The following USP49 variants were observed in gnomAD, a reference collection of about 807,000 sequenced individuals.
USP49 encodes ubiquitin carboxyl-terminal hydrolase 49.
Under a neutral mutation model 58.6 loss-of-function variants are expected in USP49, and 24 were observed. That is an observed-to-expected ratio of 0.41 (90% CI 0.30 to 0.58). The LOEUF is 0.58. Ranked by LOEUF, USP49 falls within the 20% of genes least tolerant of loss-of-function variation. The probability of loss-of-function intolerance (pLI) is 0.30; values close to 1 mark genes in which losing one functional copy is unlikely to be tolerated. For synonymous variants in USP49, 408 were observed against 365.1 expected (o/e 1.12, Z -1.34); for missense variants, 703 against 866.1 (o/e 0.81, Z 2.36).
rs933864216 is a variant in USP49 at position 41,806,367 on chromosome 6, C to G, written c.617G>C (p.Arg206Pro). The stretch of plus-strand genomic sequence containing the variant: ...GTGCAGGAGCAGCCGTGCACTCTTG[C>G]GCGGAGGGGTGCTGGCCAGCTCCTC... ...LLEELASTPP[R>P]KSARLLLHTP... The change falls in exon 4 of 8, where the codon CGC (arginine) becomes CCC (proline). Residue 206 changes from arginine (R) to proline (P), a missense_variant. Transcript: ENST00000682992. The surrounding 1 kb of genome is among the most constrained non-coding windows in gnomAD (Gnocchi z 5.9). 2 of 1,535,972 alleles carry G rather than the reference C, an allele frequency of 1.3e-6. No individual in the cohort carries two copies. Among genetic ancestry groups the G allele is most frequent in the Non-Finnish European group, 1.7e-6 (2 of 1,152,144 alleles).
Position 41,803,717 on chromosome 6 carries a change from A to T in USP49, c.1561+89T>A. On this transcript the variant is annotated intron_variant, in intron 5 of 7. Transcript: ENST00000682992. This position sits in a 1 kb window ranked among gnomAD's most constrained non-coding sequence, Gnocchi z 4.1. Reference sequence around the variant, plus strand: ...AGAACCATTCAATATCATTAGTGTTACTTTTGACTAAAGAGGACAAAGCAG... The same window carrying T: ...AGAACCATTCAATATCATTAGTGTTTCTTTTGACTAAAGAGGACAAAGCAG... 7.3e-7 allele frequency: 1 copy of T among 1,362,414 alleles called. No individual in the cohort carries two copies. Among genetic ancestry groups the T allele is most frequent in the Non-Finnish European group, 1.0e-6 (1 of 968,194 alleles). 84.4% of individuals were successfully genotyped at this position (1,362,414 alleles called of 1,614,324 possible).
In USP49 at chr6:41,888,100, G is replaced by C. The variant is rs145919000; in HGVS notation, c.-103+3694C>G. Among the ~76,000 whole-genome samples, 18 of 135,830 alleles carry C rather than the reference G, an allele frequency of 1.3e-4. 1 individual carries two copies. In the East Asian group the frequency reaches 2.6e-3, roughly 19 times the overall value. The allele number at this position is 135,830 out of a possible 152,430, so 89.1% of individuals were successfully genotyped here. On this transcript the variant is annotated intron_variant, in intron 2 of 7. Transcript: ENST00000682992. ...GATGCAGTGTCACTCTGTCATCCAG[G>C]CTGGAATGGAGTGGCACAATCTCAG...
chr6:41,842,520 G>A (rs1208615155), intron 3 of USP49, among the ~76,000 whole-genome samples: 1 of 152,192 alleles, frequency 6.6e-6, no homozygotes, highest in Non-Finnish European at 1.5e-5. Flanking sequence ...TGGCACAAAA[G>A]ATGGGCAAAT....
intron 3 of USP49, among the ~76,000 whole-genome samples, chr6:41,848,643 G>A (rs1561916855): frequency 6.6e-6 from 1 of 151,950 alleles, no homozygotes; most frequent in Non-Finnish European, 1.5e-5. Flanking sequence ...CGGATCATAA[G>A]GTCAGGAGAT....
chr6:41,794,899 C>T lies in USP49; in HGVS notation c.*1634G>A, dbSNP rs1772861359. The stretch of plus-strand genomic sequence containing the variant: ...TTTTTTGTCTGAATTTCCTCCATGT[C>T]TCAGTGCTGCCTGGCAGGGCCTATG... On this transcript the variant is annotated 3_prime_UTR_variant, in exon 8 of 8. Transcript: ENST00000682992. The T allele has an allele frequency of 6.6e-6, 1 of 152,232 alleles. No individual in the cohort carries two copies. Among genetic ancestry groups the T allele is most frequent in the South Asian group, 2.1e-4 (1 of 4,834 alleles). The allele number at this position is 152,232 out of a possible 1,614,324, so 9.4% of individuals were successfully genotyped here. A position where few individuals can be genotyped will look rare whatever the true frequency, so the allele number is the denominator to read the frequency against.
chr6:41,885,137 A>G (rs1774686690), intron 2 of USP49, among the ~76,000 whole-genome samples: 2 of 152,312 alleles, frequency 1.3e-5, no homozygotes, highest in South Asian at 4.1e-4. Context: ...GCTCAGGAAC[A>G]CTTCTCACCA....
At chr6:41,888,070 T>C (rs1286035012) in intron 2 of USP49, among the ~76,000 whole-genome samples, 4 of 148,064 alleles carry the variant, frequency 2.7e-5, no homozygotes, top group Non-Finnish European at 6.0e-5. Flanking sequence ...TTTTTTTTTT[T>C]TTGAGATGCA....
chr6:41,796,633 T>G lies in USP49; in HGVS notation c.1967A>C (p.Gln656Pro). The G allele has an allele frequency of 1.4e-6, 1 of 717,468 alleles. No individual in the cohort carries two copies. The highest frequency in any genetic ancestry group is 2.6e-6 in the Non-Finnish European group (1 of 385,090). The allele number at this position is 717,468 out of a possible 1,614,324, so 44.4% of individuals were successfully genotyped here. The change falls in exon 8 of 8, where the codon CAA (glutamine) becomes CCA (proline). Residue 656 changes from glutamine to proline, a missense_variant. By Grantham distance (76) the Gln-to-Pro change is moderately conservative (BLOSUM62 -1). Around this residue, in one of 6 missense-constraint regions of USP49, gnomAD observed 158 missense variants for 241.2 expected, o/e 0.66. Coordinates refer to ENST00000682992, the MANE Select transcript of USP49 (RefSeq NM_001286554.2). ...TCTTGCATTGCCCTGCACTGTTCTT[T>G]GAGTGTAAAAAAGGATGTAGGCCTG... ...KTQAYILFYT[Q>P]RTVQGNARIS...
At chr6:41,817,521 G>A (rs1214069183) in intron 3 of USP49, among the ~76,000 whole-genome samples, 6 of 133,626 alleles carry the variant, frequency 4.5e-5, no homozygotes, top group Non-Finnish European at 6.2e-5. Context: ...ATGAAGTGGC[G>A]CAATCTTGGC....
intron 3 of USP49, among the ~76,000 whole-genome samples, chr6:41,849,240 A>G (rs1202458589): frequency 6.6e-6 from 1 of 152,234 alleles, no homozygotes. Flanking sequence ...AAAAGGGTAA[A>G]CCAGGAAGAT....
intron 3 of USP49, among the ~76,000 whole-genome samples, chr6:41,841,777 C>T (rs781582648): frequency 1.3e-5 from 2 of 152,158 alleles, no homozygotes; most frequent in Non-Finnish European, 2.9e-5. Flanking sequence ...CATCATTTGG[C>T]CGGGCGCAGT....
chr6:41,844,297 G>C (rs567705283), intron 3 of USP49, among the ~76,000 whole-genome samples: 1 of 152,090 alleles, frequency 6.6e-6, no homozygotes, highest in South Asian at 2.1e-4. Context: ...TTAGGCAACT[G>C]CGTATGTTGC....
intron 3 of USP49, among the ~76,000 whole-genome samples, chr6:41,816,954 C>G (rs1773362789): frequency 1.3e-5 from 2 of 151,854 alleles, no homozygotes; most frequent in South Asian, 4.2e-4. Context: ...GATCTGCCCA[C>G]CTTGCCCTCC....
Position 41,841,169 on chromosome 6 carries a change from T to C in USP49, c.-29+30395A>G, listed in dbSNP as rs145715739. Among the ~76,000 whole-genome samples, 611 of 152,216 alleles carry C rather than the reference T, an allele frequency of 4.0e-3. 4 individuals are homozygous for C. The highest frequency in any genetic ancestry group is 0.014 in the African/African-American group (591 of 41,526). ...TGTCTGTCTCCCAAACTAACCACACTCTTGCCTTCTCACCTTTGTTCATAC... is the reference window on the plus strand; with the variant it reads ...TGTCTGTCTCCCAAACTAACCACACCCTTGCCTTCTCACCTTTGTTCATAC... On this transcript the variant is annotated intron_variant, in intron 3 of 7. Transcript: ENST00000682992.
chr6:41,875,666 C>T (rs147531401), intron 2 of USP49, among the ~76,000 whole-genome samples: 1 of 152,304 alleles, frequency 6.6e-6, no homozygotes, highest in East Asian at 1.9e-4. Context: ...ATCAGCAAGG[C>T]CTTGATGGAC....
At chr6:41,888,075 G>A (rs1287073750) in intron 2 of USP49, among the ~76,000 whole-genome samples, 1 of 91,808 alleles carries the variant, frequency 1.1e-5, no homozygotes, top group African/African-American at 4.3e-5. Flanking sequence ...TTTTTTTTGA[G>A]ATGCAGTGTC....
chr6:41,799,007 A>G, intron 6 of USP49, 78 bp from the exon 7 acceptor site: 1 of 1,501,486 alleles, frequency 6.7e-7, no homozygotes, highest in Non-Finnish European at 8.9e-7. Flanking sequence ...TTAATAAAAC[A>G]GGAAACTGAG....
At position 41,796,377 on chromosome 6, in the gene USP49, A is replaced by G. The variant is rs1390808143; in HGVS notation, c.*156T>C. 1.5e-5 allele frequency: 8 copies of G among 538,432 alleles called. No homozygotes were observed. The highest frequency in any genetic ancestry group is 3.0e-5 in the Admixed American group (1 of 32,950). 33.4% of individuals were successfully genotyped at this position (538,432 alleles called of 1,614,324 possible). On this transcript the variant is annotated 3_prime_UTR_variant, in exon 8 of 8. Coordinates refer to ENST00000682992, the MANE Select transcript of USP49 (RefSeq NM_001286554.2). ...ACTCATTCAAAAGAAAGAGACTATA[A>G]AATTTACGACAGGACACGAATCACC...
chr6:41,865,415 G>C (rs1274741243), intron 3 of USP49, among the ~76,000 whole-genome samples: 1 of 152,130 alleles, frequency 6.6e-6, no homozygotes, highest in Non-Finnish European at 1.5e-5. Flanking sequence ...TCAACCAAAA[G>C]AACAGCGGGA....
Sources: allele counts gnomAD v4.1 joint callset (sites outside exome capture counted in the v4.1 genomes callset), GRCh38; gene constraint gnomAD v4.1.1; regional missense constraint gnomAD v4.1.1; non-coding constraint Gnocchi (gnomAD v3.1); transcripts MANE v1.5; gene names NCBI Gene and HGNC (gene_info 2026-07-23, HGNC 2026-07-21).